CCDC141: variants seen among roughly 807,000 people sequenced by gnomAD.
The protein encoded by CCDC141 is coiled-coil domain-containing protein 141.
CCDC141 carries 168 observed loss-of-function variants against 181.0 expected under a neutral mutation model. That is an observed-to-expected ratio of 0.93 (90% CI 0.82 to 1.05). CCDC141 has a LOEUF of 1.05. CCDC141 is among the 50% of genes least tolerant of loss of function. The pLI, the probability that CCDC141 is intolerant of heterozygous loss-of-function variation, is 0.00. For synonymous variants in CCDC141, 666 were observed against 642.3 expected (o/e 1.04, Z -0.56); for missense variants, 1,902 against 1,788.5 (o/e 1.06, Z -1.14).
chr2:178,944,833 A>G (rs902205659), intron 5 of CCDC141, among the ~76,000 whole-genome samples, 182 bp from the exon 6 acceptor site: 1 of 152,138 alleles, frequency 6.6e-6, no homozygotes, highest in African/African-American at 2.4e-5. Context: ...TAACCTCTAC[A>G]TGCATAAAAG....
chr2:179,009,643 C>T (rs2042210911), intron 2 of CCDC141, among the ~76,000 whole-genome samples: 3 of 134,046 alleles, frequency 2.2e-5, no homozygotes, highest in East Asian at 2.2e-4. Context: ...ACCTTAGATA[C>T]CAGCACCTGT....
At chr2:178,897,753 T>G (rs1650957501) in intron 8 of CCDC141, among the ~76,000 whole-genome samples, 1 of 151,996 alleles carries the variant, frequency 6.6e-6, no homozygotes. Context: ...TTTTGCTGGG[T>G]TTTTGTATGT....
At chr2:178,842,135 C>A (rs1684751074) in intron 22 of CCDC141, among the ~76,000 whole-genome samples, 1 of 152,110 alleles carries the variant, frequency 6.6e-6, no homozygotes, top group Non-Finnish European at 1.5e-5. Context: ...GTTTTCAGTA[C>A]AGACAGGGCA....
chr2:179,016,626 T>C (rs1575351990), intron 2 of CCDC141, among the ~76,000 whole-genome samples: 1 of 152,258 alleles, frequency 6.6e-6, no homozygotes, highest in East Asian at 1.9e-4. Context: ...TTTTACTAAC[T>C]ATTGAGTGAA....
chr2:179,004,361 A>G (rs886903555), intron 2 of CCDC141, among the ~76,000 whole-genome samples: 3 of 152,136 alleles, frequency 2.0e-5, no homozygotes, highest in Non-Finnish European at 2.9e-5. Context: ...TACTTCTTCT[A>G]ATGCTAATAA....
chr2:178,860,301 G>A (rs1685547173), intron 17 of CCDC141, among the ~76,000 whole-genome samples: 1 of 152,030 alleles, frequency 6.6e-6, no homozygotes, highest in Non-Finnish European at 1.5e-5. Context: ...GGGAGGCTGA[G>A]GCGGGTGGAT....
chr2:178,815,209 C>T, the CCDC141 span, among the ~76,000 whole-genome samples: 1 of 152,168 alleles, frequency 6.6e-6, no homozygotes, highest in Non-Finnish European at 1.5e-5. Flanking sequence ...ATCTTAAGGA[C>T]ATGAACAACT....
chr2:178,911,921 C>A (rs185108588), intron 7 of CCDC141, among the ~76,000 whole-genome samples: 30 of 152,296 alleles, frequency 2.0e-4, no homozygotes, highest in Admixed American at 3.9e-4. Flanking sequence ...AGAGATGAAG[C>A]TTAAAATTTG....
chr2:179,023,118 A>G (rs2042734272), intron 2 of CCDC141, among the ~76,000 whole-genome samples: 1 of 152,196 alleles, frequency 6.6e-6, no homozygotes, highest in Non-Finnish European at 1.5e-5. Flanking sequence ...ATGACTGTAT[A>G]TACATTTGTA....
At chr2:179,025,188 C>T (rs12991291) in intron 2 of CCDC141, among the ~76,000 whole-genome samples, 73,536 of 151,546 alleles carry the variant, frequency 0.49, 20,857 homozygotes, top group Non-Finnish European at 0.64. Flanking sequence ...CACAGGGGTT[C>T]GGGATACAGA....
At chr2:178,880,402 AG>A (rs1434764346) in intron 11 of CCDC141, among the ~76,000 whole-genome samples, 7 of 152,158 alleles carry the variant, frequency 4.6e-5, no homozygotes. Flanking sequence ...TGCAAAAAGA[AG>A]GGGAGTGTGA....
At chr2:178,858,192 A>C (rs1205311376) in intron 17 of CCDC141, among the ~76,000 whole-genome samples, 1 of 152,198 alleles carries the variant, frequency 6.6e-6, no homozygotes, top group Admixed American at 6.5e-5. Context: ...AAAGCTTCAG[A>C]ATTTGAACAT....
chr2:178,988,096 T>G (rs1691843114), intron 2 of CCDC141, among the ~76,000 whole-genome samples: 1 of 152,008 alleles, frequency 6.6e-6, no homozygotes, highest in African/African-American at 2.4e-5. Flanking sequence ...TAGACTGGAT[T>G]AAGAAAATGT....
Position 178,961,328 on chromosome 2 carries a change from G to A in CCDC141, c.682C>T (p.Gln228Ter). 6.4e-7 allele frequency: 1 copy of A among 1,550,562 alleles called. No individual in the cohort carries two copies. Among genetic ancestry groups the A allele is most frequent in the Non-Finnish European group, 8.7e-7 (1 of 1,146,944 alleles). Reference sequence around the variant, plus strand: ...TTGTCTAGTTGTCTTCTCCTGTCTTGTAGAAGTTCAAGAAGGCGGTCAACC... The same window carrying A: ...TTGTCTAGTTGTCTTCTCCTGTCTTATAGAAGTTCAAGAAGGCGGTCAACC... ...LKVDRLLELL[Q>*]DRRRQLDKYL... is the part of the protein sequence containing the mutation. The change falls in exon 5 of 24, where the codon CAA becomes TAA. Residue 228 changes from glutamine (Q) to a stop codon, truncating the protein, a stop_gained. Coordinates refer to ENST00000443758, the MANE Select transcript of CCDC141 (RefSeq NM_173648.4). LOFTEE classifies it high-confidence loss of function.
intron 4 of CCDC141, among the ~76,000 whole-genome samples, chr2:178,969,304 A>G (rs1690776289): frequency 6.6e-6 from 1 of 151,860 alleles, no homozygotes; most frequent in African/African-American, 2.4e-5. Context: ...AACAAAAAAG[A>G]AAATTTTTTT....
At chr2:179,002,652 A>G (rs1197547254) in intron 2 of CCDC141, 1 of 163,796 alleles carries the variant, frequency 6.1e-6, no homozygotes, top group African/African-American at 2.4e-5. Flanking sequence ...ATACTATAGA[A>G]CATGCTAAAC....
chr2:178,827,173 A>G (rs1302910105), downstream of CCDC141, among the ~76,000 whole-genome samples: 5 of 152,118 alleles, frequency 3.3e-5, no homozygotes, highest in East Asian at 9.7e-4. Flanking sequence ...GAGCTTTGTT[A>G]TTAATTTCTT....
chr2:178,903,464 G>T (rs990022114), intron 8 of CCDC141, among the ~76,000 whole-genome samples: 13 of 152,126 alleles, frequency 8.5e-5, no homozygotes, highest in African/African-American at 1.4e-4. Context: ...TAGGGACATG[G>T]ATGAAATTGG....
At position 179,050,056 on chromosome 2, in the gene CCDC141, C is replaced by T. The variant is rs2154391892; in HGVS notation, c.-115G>A. 2 of 1,460,798 alleles carry T rather than the reference C, an allele frequency of 1.4e-6. No homozygotes were observed. The highest frequency in any genetic ancestry group is 5.0e-5 in the East Asian group (2 of 39,986). 90.5% of individuals were successfully genotyped at this position (1,460,798 alleles called of 1,614,324 possible). A position where few individuals can be genotyped will look rare whatever the true frequency, so the allele number is the denominator to read the frequency against. The stretch of plus-strand genomic sequence containing the variant: ...TCATTCAGGGAAAGAGCTCAGCTCA[C>T]ACTGATTACTCTGCCAAAAGGAAAG... On this transcript the variant is annotated 5_prime_UTR_variant, in exon 1 of 24. In the 5' UTR this introduces an upstream ATG that the reference lacks. Coordinates refer to ENST00000443758, the MANE Select transcript of CCDC141 (RefSeq NM_173648.4).
Sources: allele counts gnomAD v4.1 joint callset (sites outside exome capture counted in the v4.1 genomes callset), GRCh38; gene constraint gnomAD v4.1.1; transcripts MANE v1.5; gene names NCBI Gene and HGNC (gene_info 2026-07-23, HGNC 2026-07-21).